NRF1: variants seen among roughly 807,000 people sequenced by gnomAD.
The protein encoded by NRF1 is alpha palindromic-binding protein.
A neutral mutation model predicts 58.5 loss-of-function variants in NRF1; 5 were observed. The observed-to-expected ratio is 0.09, with a 90% CI of 0.04 to 0.18. The LOEUF (loss-of-function observed/expected upper bound fraction) is 0.18. Ranked by LOEUF, NRF1 falls within the 10% of genes least tolerant of loss-of-function variation. The pLI is 1.00. For missense variants in NRF1, 288 were observed against 657.7 expected (o/e 0.44, Z 6.15); for synonymous variants, 224 against 246.7 (o/e 0.91, Z 0.86).
chr7:129,725,415 C>T (rs1803429010), intron 9 of NRF1, among the ~76,000 whole-genome samples: 1 of 151,900 alleles, frequency 6.6e-6, no homozygotes, highest in Non-Finnish European at 1.5e-5. Context: ...GCAATCTCCA[C>T]CTCCCGGGTT....
At chr7:129,664,138 G>C (rs932552574) in intron 2 of NRF1, among the ~76,000 whole-genome samples, 1 of 151,980 alleles carries the variant, frequency 6.6e-6, no homozygotes, top group African/African-American at 2.4e-5. Flanking sequence ...GAAAGGGGGA[G>C]GGGGAGGGGG....
intron 5 of NRF1, among the ~76,000 whole-genome samples, chr7:129,692,892 C>T (rs1403414567): frequency 1.3e-5 from 2 of 152,204 alleles, no homozygotes; most frequent in African/African-American, 4.8e-5. Context: ...AATATCACCT[C>T]TGAGACAAGC....
intron 1 of NRF1, among the ~76,000 whole-genome samples, chr7:129,617,228 T>A (rs764408224): frequency 5.3e-5 from 8 of 152,164 alleles, no homozygotes; most frequent in South Asian, 2.1e-4. Context: ...CAGTTTTTTT[T>A]AAAAAGAGCA....
At chr7:129,622,538 G>A (rs929373743) in intron 1 of NRF1, among the ~76,000 whole-genome samples, 1 of 150,878 alleles carries the variant, frequency 6.6e-6, no homozygotes, top group African/African-American at 2.4e-5. Context: ...ACTTTAATAT[G>A]CATGGTTTAG....
chr7:129,619,120 AGG>A (rs1800715510), intron 1 of NRF1, among the ~76,000 whole-genome samples: 1 of 151,972 alleles, frequency 6.6e-6, no homozygotes, highest in South Asian at 2.1e-4. Context: ...TCTACATCTG[AGG>A]GTCAAGTAGA....
Position 129,661,236 on chromosome 7 carries a change from A to C in NRF1, c.223+3662A>C, listed in dbSNP as rs1801773479. Among the ~76,000 whole-genome samples, 2 of 151,222 alleles carry C rather than the reference A, an allele frequency of 1.3e-5. 1 individual carries two copies. Among genetic ancestry groups the C allele is most frequent in the African/African-American group, 4.9e-5 (2 of 40,498 alleles). On this transcript the variant is annotated intron_variant, in intron 2 of 10. Coordinates refer to ENST00000393232, the MANE Select transcript of NRF1 (RefSeq NM_005011.5). ...CCTAGGTCTCCAGGCCTATGATGGG[A>C]GGGGCTACTGTGAAGACCTCTGACA...
At position 129,668,970 on chromosome 7, in the gene NRF1, C is replaced by T. The variant is rs534709210; in HGVS notation, c.224-2459C>T. On this transcript the variant is annotated intron_variant, in intron 2 of 10. Transcript: ENST00000393232. ...TCCTGTCTCCTCTCCTTTTTTGAGA[C>T]GGAGTCTTGCTCCTTCACCCAGGCC... is the stretch of plus-strand genomic sequence containing the variant. Among the ~76,000 whole-genome samples, 23 of 152,104 alleles carry T rather than the reference C, an allele frequency of 1.5e-4. No individual in the cohort carries two copies. In the South Asian group the frequency reaches 4.0e-3, roughly 26 times the overall value.
chr7:129,672,200 C>CTT (rs58022845), intron 3 of NRF1, among the ~76,000 whole-genome samples: 20,780 of 116,748 alleles, frequency 0.18, 2,293 homozygotes, highest in East Asian at 0.41. Flanking sequence ...GCCAGGAGAT[C>CTT]TTTTTTTTTT....
intron 1 of NRF1, among the ~76,000 whole-genome samples, chr7:129,623,100 G>A (rs1584581530): frequency 6.6e-6 from 1 of 152,310 alleles, no homozygotes; most frequent in East Asian, 1.9e-4. Context: ...GAGTAAGGGT[G>A]TAAGGGCTTG....
chr7:129,706,434 G>A (rs1802951911), intron 5 of NRF1, among the ~76,000 whole-genome samples: 1 of 152,198 alleles, frequency 6.6e-6, no homozygotes, highest in Admixed American at 6.5e-5. Flanking sequence ...GGAGAAGAAG[G>A]GATAGACACC....
chr7:129,751,768 T>G (rs187845927), intron 10 of NRF1, among the ~76,000 whole-genome samples: 26 of 152,398 alleles, frequency 1.7e-4, no homozygotes, highest in Admixed American at 1.4e-3. Context: ...TGCTTGCTAC[T>G]TGCCAGTATG....
At chr7:129,694,755 A>G (rs958090653) in intron 5 of NRF1, among the ~76,000 whole-genome samples, 1 of 152,210 alleles carries the variant, frequency 6.6e-6, no homozygotes, top group Non-Finnish European at 1.5e-5. Context: ...ACCTAGATAG[A>G]CAAGGGTATG....
intron 10 of NRF1, chr7:129,744,278 CTG>C: frequency 6.7e-7 from 1 of 1,493,126 alleles, no homozygotes; most frequent in Non-Finnish European, 9.1e-7. Context: ...GATAGAGTCA[CTG>C]TGAGGCTGTC....
chr7:129,709,346 C>T lies in NRF1; in HGVS notation c.765+113C>T, dbSNP rs1034258383. On this transcript the variant is annotated intron_variant, in intron 6 of 10. Coordinates refer to ENST00000393232, the MANE Select transcript of NRF1 (RefSeq NM_005011.5). ...GAAAGTCTTTGTGTAATAGTTAAGCCTGTCCCTCCAAAGACTGATATTCTT... is the reference window on the plus strand; with the variant it reads ...GAAAGTCTTTGTGTAATAGTTAAGCTTGTCCCTCCAAAGACTGATATTCTT... 8 of 852,512 alleles carry T rather than the reference C, an allele frequency of 9.4e-6. No homozygotes were observed. In the African/African-American group the frequency reaches 1.4e-4, roughly 15 times the overall value. The allele number at this position is 852,512 out of a possible 1,614,324, so 52.8% of individuals were successfully genotyped here.
chr7:129,636,871 A>C (rs1037288113), intron 1 of NRF1, among the ~76,000 whole-genome samples: 7 of 152,206 alleles, frequency 4.6e-5, no homozygotes, highest in Non-Finnish European at 1.0e-4. Context: ...TTCAAGAACC[A>C]TTATGTTTCT....
At chr7:129,613,017 T>G (rs1035668706) in intron 1 of NRF1, among the ~76,000 whole-genome samples, 7 of 152,246 alleles carry the variant, frequency 4.6e-5, no homozygotes, top group Admixed American at 1.3e-4. Flanking sequence ...CTGGTGTCAA[T>G]CGTGCTGATT....
chr7:129,629,354 C>G (rs1238402903), intron 1 of NRF1, among the ~76,000 whole-genome samples: 2 of 149,890 alleles, frequency 1.3e-5, no homozygotes, highest in Non-Finnish European at 3.0e-5. Flanking sequence ...TCTCAGCTCA[C>G]TGCAACCTCC....
chr7:129,669,714 A>G (rs1198849638), intron 2 of NRF1, among the ~76,000 whole-genome samples: 2 of 152,228 alleles, frequency 1.3e-5, no homozygotes, highest in Non-Finnish European at 2.9e-5. Context: ...TCGTAGAGCA[A>G]CTGGAACCCT....
intron 1 of NRF1, among the ~76,000 whole-genome samples, chr7:129,615,819 C>G (rs2151052622): frequency 6.6e-6 from 1 of 152,238 alleles, no homozygotes; most frequent in African/African-American, 2.4e-5. Flanking sequence ...CATCAGTTTT[C>G]TACTAAGGTA....
Sources: allele counts gnomAD v4.1 joint callset (sites outside exome capture counted in the v4.1 genomes callset), GRCh38; gene constraint gnomAD v4.1.1; transcripts MANE v1.5; gene names NCBI Gene and HGNC (gene_info 2026-07-23, HGNC 2026-07-21).